LRRC43: variants seen among roughly 807,000 people sequenced by gnomAD.
LRRC43 encodes the protein leucine rich repeat containing 43, also known as leucine-rich repeat-containing protein 43.
In LRRC43, 62 loss-of-function variants were observed where a neutral mutation model predicts 64.3. The observed-to-expected ratio is 0.96, with a 90% CI of 0.79 to 1.19. LRRC43 has a LOEUF of 1.19. Among genes scored for constraint, LRRC43 ranks in the 50% most tolerant of loss-of-function variants. The pLI is 0.00. For synonymous variants in LRRC43, 422 were observed against 382.3 expected, an observed-to-expected ratio of 1.10 and a Z score of -1.21; for missense variants, 868 against 845.0, an observed-to-expected ratio of 1.03 and a Z score of -0.34.
Position 122,173,184 on chromosome 12 carries a change from C to T in LRRC43, c.-406+5402C>T, listed in dbSNP as rs577982395. ...ACAAACCAAGGAGTCCGGACCACTC[C>T]CTCCCTTCCTCTTTCTAAGTACTAA... is the stretch of plus-strand genomic sequence containing the variant. On this transcript the variant is annotated intron_variant, in intron 1 of 5. Coordinates refer to the LRRC43 transcript ENST00000537729. 1.8e-3 allele frequency among the ~76,000 whole-genome samples: 270 copies of T among 152,126 alleles called. 1 individual carries two copies. The highest frequency in any genetic ancestry group is 3.0e-3 in the Non-Finnish European group (202 of 67,996).
intron 3 of LRRC43, chr12:122,187,449 C>T: frequency 2.3e-6 from 1 of 436,822 alleles, no homozygotes; most frequent in South Asian, 3.2e-5. Flanking sequence ...AGCTCCCCCA[C>T]TGCCAATCCA....
At position 122,170,987 on chromosome 12, in the gene LRRC43, C is replaced by G. The variant is rs1593138011; in HGVS notation, c.-406+3205C>G. Among the ~76,000 whole-genome samples the G allele has an allele frequency of 2.0e-5, 3 of 152,340 alleles. No individual in the cohort carries two copies. The South Asian group carries it at 6.2e-4, about 32-fold the overall frequency. On this transcript the variant is annotated intron_variant, in intron 1 of 5. Coordinates refer to the LRRC43 transcript ENST00000537729. ...ATGTTGCCACGGGCTGCTGCTGCTGCTGCTGGGCCAGGGACCACGTTTTGA... is the reference window on the plus strand; with the variant it reads ...ATGTTGCCACGGGCTGCTGCTGCTGGTGCTGGGCCAGGGACCACGTTTTGA...
At chr12:122,196,440 C>T (rs944384762) in intron 7 of LRRC43, among the ~76,000 whole-genome samples, 1 of 152,108 alleles carries the variant, frequency 6.6e-6, no homozygotes, top group African/African-American at 2.4e-5. Context: ...TGCCAGGTAT[C>T]GGGATTACAA....
chr12:122,190,493 T>G, intron 5 of LRRC43, 125 bp downstream of exon 5: 1 of 707,702 alleles, frequency 1.4e-6, no homozygotes, highest in Non-Finnish European at 2.4e-6. Context: ...CCAGACCCTA[T>G]TCAGGTATAG....
rs749559297 is a variant in LRRC43, at chr12:122,192,935, C to T, written c.1280C>T (p.Pro427Leu). ...GGGCCTTCGACCATCTTGCAGATGC[C>T]GAGGGCCTCTGCAGAAGAGCTGGCC... ...ISGPSTILQM[P>L]RASAEELAKL... Residue 427 changes from proline to leucine, a missense_variant, in exon 7 of 12, where the codon CCG becomes CTG. Coordinates refer to ENST00000339777, the MANE Select transcript of LRRC43 (RefSeq NM_001098519.2). 6.8e-6 allele frequency: 11 copies of T among 1,613,836 alleles called. No individual in the cohort carries two copies. The highest frequency in any genetic ancestry group is 2.2e-5 in the East Asian group (1 of 44,886).
rs763368395 is a variant in LRRC43 at position 122,203,425 on chromosome 12, C to G, written c.1954C>G (p.Arg652Gly). 2 of 1,611,230 alleles carry G rather than the reference C, an allele frequency of 1.2e-6. No individual in the cohort carries two copies. The highest frequency in any genetic ancestry group is 2.2e-5 in the South Asian group (2 of 90,856). The change falls in exon 12 of 12, where the codon CGC (arginine) becomes GGC (glycine). Residue 652 changes from arginine (R) to glycine (G), a missense_variant. Physicochemically the swap from Arg to Gly is moderately radical, Grantham distance 125. Transcript: ENST00000339777. ...NQCRSAEEALRMFAV is the reference protein window; with the variant it reads ...NQCRSAEEALGMFAV ...GTGCCGCTCGGCGGAGGAGGCTCTG[C>G]GCATGTTCGCCGTGTAGGGCGTGGG...
intron 1 of LRRC43, among the ~76,000 whole-genome samples, chr12:122,170,180 T>A (rs1023355400): frequency 3.9e-4 from 59 of 152,330 alleles, no homozygotes; most frequent in African/African-American, 1.4e-3. Context: ...GTCATCTTTT[T>A]GCCTTATTTC....
chr12:122,191,303 C>T, intron 5 of LRRC43, 77 bp from the exon 6 acceptor site: 3 of 1,284,934 alleles, frequency 2.3e-6, no homozygotes, highest in South Asian at 3.0e-5. Flanking sequence ...GGGACCCGTG[C>T]CTTCCCAGCC....
chr12:122,184,156 G>A lies in LRRC43; in HGVS notation c.151-363G>A, dbSNP rs938259276. ...GTCACCCAGCCTGGAGTGCAGTGGC[G>A]TGATCTCGGCTCACTGCAACCTCCG... On this transcript the variant is annotated intron_variant, in intron 1 of 11. Coordinates refer to ENST00000339777, the MANE Select transcript of LRRC43 (RefSeq NM_001098519.2). This position sits in a 1 kb window ranked among gnomAD's most constrained non-coding sequence, Gnocchi z 4.0. 3.3e-5 allele frequency among the ~76,000 whole-genome samples: 5 copies of A among 149,540 alleles called. No homozygotes were observed. Among genetic ancestry groups the A allele is most frequent in the East Asian group, 2.0e-4 (1 of 5,054 alleles).
chr12:122,181,804 C>T (rs1953584180), upstream of LRRC43, among the ~76,000 whole-genome samples: 1 of 150,940 alleles, frequency 6.6e-6, no homozygotes, highest in South Asian at 2.1e-4. Flanking sequence ...CGGGGTTTCA[C>T]CATGTTGATC....
At chr12:122,188,343 G>A (rs1040011597) in intron 4 of LRRC43, among the ~76,000 whole-genome samples, 29 of 151,856 alleles carry the variant, frequency 1.9e-4, no homozygotes, top group African/African-American at 5.3e-4. Flanking sequence ...TCCTGACCTC[G>A]TGATCCGCCC....
upstream of LRRC43, among the ~76,000 whole-genome samples, chr12:122,181,047 C>T (rs1163078054): frequency 6.6e-6 from 1 of 151,670 alleles, no homozygotes; most frequent in East Asian, 1.9e-4. Context: ...GAAACCCCAT[C>T]TGTACTAAAA....
intron 4 of LRRC43, chr12:122,189,516 C>A (rs1411363509): frequency 2.2e-6 from 1 of 456,664 alleles, no homozygotes; most frequent in Admixed American, 2.3e-5. Flanking sequence ...TTTGTGGCAG[C>A]AGGAAAGTCA....
intron 1 of LRRC43, chr12:122,173,930 A>G (rs778311491): frequency 8.7e-6 from 14 of 1,614,130 alleles, no homozygotes; most frequent in Non-Finnish European, 1.2e-5. Flanking sequence ...CGGACGGGCA[A>G]CGTGTGGGAG....
At position 122,200,734 on chromosome 12, in the gene LRRC43, C is replaced by T. The variant is rs1434871777; in HGVS notation, c.1621-12C>T. On this transcript the variant is annotated splice_polypyrimidine_tract_variant and intron_variant, in intron 9 of 11. Coordinates refer to ENST00000339777, the MANE Select transcript of LRRC43 (RefSeq NM_001098519.2). The surrounding 1 kb of genome is among the most constrained non-coding windows in gnomAD (Gnocchi z 4.6). ...CAACTTGTCCCACCCTCCTGTCCTC[C>T]CGTCGTCGCAGGAGTGGAAGGTGCT... 6.2e-7 allele frequency: 1 copy of T among 1,612,984 alleles called. No individual in the cohort carries two copies.
At chr12:122,187,588 G>A (rs1953659432) in intron 3 of LRRC43, 113 bp from the exon 4 acceptor site, 1 of 871,812 alleles carries the variant, frequency 1.1e-6, no homozygotes, top group African/African-American at 1.7e-5. Context: ...GGGAGGCCAG[G>A]TGTGAGTAGT....
intron 1 of LRRC43, among the ~76,000 whole-genome samples, chr12:122,170,344 C>CTACG (rs1953474001): frequency 6.6e-6 from 1 of 152,004 alleles, no homozygotes; most frequent in African/African-American, 2.4e-5. Context: ...TAAATGCCTG[C>CTACG]TACGGGGCCG....
chr12:122,201,155 G>A, intron 10 of LRRC43, 141 bp from the exon 11 acceptor site: 1 of 1,048,326 alleles, frequency 9.5e-7, no homozygotes, highest in South Asian at 1.5e-5. Context: ...TTGGGGATGG[G>A]CTGGGGCAGC....
chr12:122,191,258 A>G (rs979793151), intron 5 of LRRC43, 122 bp from the exon 6 acceptor site: 8 of 805,012 alleles, frequency 9.9e-6, no homozygotes, highest in Non-Finnish European at 1.6e-5. Flanking sequence ...TGACCGCCCC[A>G]CCAAGGCTCA....
Sources: gnomAD v4.1 joint callset for allele counts (sites outside exome capture counted in the v4.1 genomes callset) on GRCh38, gnomAD v4.1.1 for gene constraint, Gnocchi (gnomAD v3.1) non-coding constraint, MANE v1.5 for transcripts, NCBI Gene and HGNC (gene_info 2026-07-23, HGNC 2026-07-21) for gene names.